Variants in AKAP19 observed in about 807,000 individuals in gnomAD.
AKAP19 encodes the protein A-kinase anchoring protein 19.
chr2:190,103,471 GATAA>G, the AKAP19 span, among the ~76,000 whole-genome samples: 1 of 152,232 alleles, frequency 6.6e-6, no homozygotes, highest in Non-Finnish European at 1.5e-5. Context: ...TCCTGGAACT[GATAA>G]ATAACTTCAG....
chr2:189,901,879 A>G, the AKAP19 span, among the ~76,000 whole-genome samples: 1 of 151,918 alleles, frequency 6.6e-6, no homozygotes, highest in Non-Finnish European at 1.5e-5. Flanking sequence ...TTCTTTCCTC[A>G]TCTGTCAAAT....
At chr2:190,060,360 T>A in the AKAP19 span, 1 of 1,612,442 alleles carries the variant, frequency 6.2e-7, no homozygotes, top group Non-Finnish European at 8.5e-7. Flanking sequence ...CTTTACTACT[T>A]TATTGTATTG....
At chr2:189,924,020 G>A in the AKAP19 span, 2 of 1,569,628 alleles carry the variant, frequency 1.3e-6, no homozygotes, top group Non-Finnish European at 1.8e-6. Flanking sequence ...CAGCAGCTCC[G>A]TGAAGAAAGA....
At chr2:190,174,889 A>G in the AKAP19 span, among the ~76,000 whole-genome samples, 97 of 152,350 alleles carry the variant, frequency 6.4e-4, no homozygotes, top group African/African-American at 1.9e-3. Flanking sequence ...CTCTGTTTAA[A>G]CTGAGATGAA....
the AKAP19 span, among the ~76,000 whole-genome samples, chr2:189,982,106 T>G: frequency 1.3e-5 from 2 of 152,174 alleles, no homozygotes; most frequent in African/African-American, 4.8e-5. Context: ...ATTTTTGAAG[T>G]TGTTTTCTAG....
At chr2:190,123,066 C>T in the AKAP19 span, among the ~76,000 whole-genome samples, 1 of 152,050 alleles carries the variant, frequency 6.6e-6, no homozygotes, top group Admixed American at 6.5e-5. Context: ...CCTGCCCCAG[C>T]CTCCCAAAGC....
chr2:189,951,832 A>G, the AKAP19 span, among the ~76,000 whole-genome samples: 18 of 152,242 alleles, frequency 1.2e-4, no homozygotes, highest in Admixed American at 1.1e-3. Flanking sequence ...CTCGAGAAAT[A>G]GCAAATGCAG....
At chr2:189,891,531 TTTTC>T in the AKAP19 span, among the ~76,000 whole-genome samples, 1 of 152,150 alleles carries the variant, frequency 6.6e-6, no homozygotes, top group South Asian at 2.1e-4. Context: ...CCGAAAATTC[TTTTC>T]TTTAAGAATG....
chr2:189,972,462 C>T, the AKAP19 span, among the ~76,000 whole-genome samples: 29 of 152,170 alleles, frequency 1.9e-4, 1 homozygote, highest in South Asian at 1.0e-3. Flanking sequence ...CTTGGCAATG[C>T]GGGCTCTTTT....
At chr2:189,978,837 CA>C in the AKAP19 span, among the ~76,000 whole-genome samples, 8 of 151,124 alleles carry the variant, frequency 5.3e-5, no homozygotes, top group African/African-American at 1.7e-4. Context: ...TTATACTAGC[CA>C]AAAAAAATTA....
At chr2:190,106,716 A>G in the AKAP19 span, among the ~76,000 whole-genome samples, 37 of 152,162 alleles carry the variant, frequency 2.4e-4, 1 homozygote, top group African/African-American at 8.7e-4. Context: ...ATATCCAGGA[A>G]ATTCAACAGA....
At chr2:190,157,743 A>C in the AKAP19 span, among the ~76,000 whole-genome samples, 1 of 152,200 alleles carries the variant, frequency 6.6e-6, no homozygotes, top group Non-Finnish European at 1.5e-5. Flanking sequence ...CCTCAAGACT[A>C]TGTCTCACAT....
At chr2:190,041,439 G>C in the AKAP19 span, among the ~76,000 whole-genome samples, 1 of 152,094 alleles carries the variant, frequency 6.6e-6, no homozygotes, top group East Asian at 1.9e-4. Context: ...AGATTTTCTA[G>C]ATATAGAATT....
At chr2:190,081,975 T>G in the AKAP19 span, among the ~76,000 whole-genome samples, 5 of 152,162 alleles carry the variant, frequency 3.3e-5, no homozygotes, top group African/African-American at 1.2e-4. Context: ...ACCAGCCCTT[T>G]CTGAAGACTC....
chr2:190,112,455 C>A, the AKAP19 span, among the ~76,000 whole-genome samples: 2 of 152,058 alleles, frequency 1.3e-5, no homozygotes, highest in Non-Finnish European at 2.9e-5. Flanking sequence ...AAAAGAAGTA[C>A]CTGTCTTATT....
At chr2:190,082,368 G>A in the AKAP19 span, among the ~76,000 whole-genome samples, 1 of 152,232 alleles carries the variant, frequency 6.6e-6, no homozygotes, top group Non-Finnish European at 1.5e-5. Context: ...ATGCTTCCCA[G>A]CCTGTCAGGA....
At chr2:190,142,147 A>G in the AKAP19 span, among the ~76,000 whole-genome samples, 1 of 152,306 alleles carries the variant, frequency 6.6e-6, no homozygotes, top group Non-Finnish European at 1.5e-5. Context: ...AGCCAGCTTC[A>G]TGATCTTACA....
the AKAP19 span, among the ~76,000 whole-genome samples, chr2:190,000,932 C>T: frequency 1.3e-5 from 2 of 151,988 alleles, no homozygotes; most frequent in Non-Finnish European, 2.9e-5. Context: ...CTCTTTTTTG[C>T]GGGGACTCCC....
the AKAP19 span, among the ~76,000 whole-genome samples, chr2:189,909,586 A>G: frequency 9.9e-5 from 15 of 151,998 alleles, no homozygotes; most frequent in African/African-American, 3.6e-4. Context: ...ATAATAGTCT[A>G]TTTTAAGCTG....
Sources: gnomAD v4.1 joint callset for allele counts (sites outside exome capture counted in the v4.1 genomes callset) on GRCh38, gnomAD v4.1.1 for gene constraint, MANE v1.5 for transcripts, NCBI Gene and HGNC (gene_info 2026-07-23, HGNC 2026-07-21) for gene names.